The following NXPH1 variants were observed in gnomAD, a reference collection of about 807,000 sequenced individuals.
The protein encoded by NXPH1 is neurexophilin-1.
NXPH1 carries 5 observed loss-of-function variants against 23.7 expected under a neutral mutation model. The observed-to-expected ratio is 0.21, with a 90% CI of 0.11 to 0.44. The LOEUF is 0.44. NXPH1 is among the 20% of genes least tolerant of loss of function. NXPH1 has a pLI of 0.99. For synonymous variants in NXPH1, 144 were observed against 122.2 expected, an observed-to-expected ratio of 1.18 and a Z score of -1.18; for missense variants, 324 against 321.6, an observed-to-expected ratio of 1.01 and a Z score of -0.06.
At chr7:8,625,785 T>C (rs1294066249) in intron 2 of NXPH1, among the ~76,000 whole-genome samples, 3 of 152,124 alleles carry the variant, frequency 2.0e-5, no homozygotes, top group Admixed American at 6.6e-5. Flanking sequence ...GCATCATCTG[T>C]TATCCTAGAT....
rs574865402 is a variant in NXPH1 at position 8,702,850 on chromosome 7, A to T, written c.55-48158A>T. Among the ~76,000 whole-genome samples, 70 of 152,016 alleles carry T rather than the reference A, an allele frequency of 4.6e-4. 1 individual carries two copies. Among genetic ancestry groups the T allele is most frequent in the African/African-American group, 1.6e-3 (67 of 41,470 alleles). ...AAAACTTAGTTCCTGACTCCATGAAACTTTTCTGATTTTTTCTTCATATAA... is the reference window on the plus strand; with the variant it reads ...AAAACTTAGTTCCTGACTCCATGAATCTTTTCTGATTTTTTCTTCATATAA... On this transcript the variant is annotated intron_variant, in intron 2 of 2. Coordinates refer to ENST00000405863, the MANE Select transcript of NXPH1 (RefSeq NM_152745.3).
chr7:8,651,115 C>A (rs1820485190), intron 2 of NXPH1, among the ~76,000 whole-genome samples: 1 of 149,870 alleles, frequency 6.7e-6, no homozygotes, highest in Non-Finnish European at 1.5e-5. Context: ...AATGCTATCC[C>A]TCCCCACTCC....
At chr7:8,652,523 CA>C (rs1820506048) in intron 2 of NXPH1, among the ~76,000 whole-genome samples, 1 of 152,144 alleles carries the variant, frequency 6.6e-6, no homozygotes, top group Non-Finnish European at 1.5e-5. Flanking sequence ...AACTAATCCT[CA>C]ATTACTAGAA....
At chr7:8,515,780 C>T (rs1288042684) in intron 2 of NXPH1, among the ~76,000 whole-genome samples, 1 of 152,140 alleles carries the variant, frequency 6.6e-6, no homozygotes, top group Non-Finnish European at 1.5e-5. Context: ...TTAATCACGT[C>T]TGTAAACTCA....
intron 2 of NXPH1, among the ~76,000 whole-genome samples, chr7:8,512,571 GCCC>G (rs1346038603): frequency 6.6e-6 from 1 of 152,094 alleles, no homozygotes; most frequent in Non-Finnish European, 1.5e-5. Flanking sequence ...GAATCATAGT[GCCC>G]AGTCTAGTAA....
intron 2 of NXPH1, among the ~76,000 whole-genome samples, chr7:8,510,982 C>T (rs1454410296): frequency 2.6e-5 from 4 of 152,072 alleles, no homozygotes; most frequent in Non-Finnish European, 5.9e-5. Context: ...CTAGTCTGAT[C>T]TTCTCTGCTT....
chr7:8,750,399 T>C (rs1396409996), intron 2 of NXPH1, among the ~76,000 whole-genome samples: 1 of 152,162 alleles, frequency 6.6e-6, no homozygotes, highest in Non-Finnish European at 1.5e-5. Context: ...ACATGTGCCA[T>C]GGTGTTTTGC....
intron 2 of NXPH1, among the ~76,000 whole-genome samples, chr7:8,694,320 G>T (rs1201310795): frequency 6.6e-6 from 1 of 152,220 alleles, no homozygotes; most frequent in African/African-American, 2.4e-5. Context: ...TGTCAGGGAT[G>T]CTTGTAAAAG....
intron 2 of NXPH1, among the ~76,000 whole-genome samples, chr7:8,699,843 C>G (rs920504526): frequency 6.6e-6 from 1 of 152,086 alleles, no homozygotes; most frequent in African/African-American, 2.4e-5. Flanking sequence ...GCACCTTGCT[C>G]TTCATGGTGA....
chr7:8,742,365 C>T (rs572791973), intron 2 of NXPH1, among the ~76,000 whole-genome samples: 4 of 151,910 alleles, frequency 2.6e-5, no homozygotes, highest in East Asian at 1.9e-4. Flanking sequence ...AACTATGTAA[C>T]CTGGCTATAA....
At position 8,562,979 on chromosome 7, in the gene NXPH1, T is replaced by TA. The variant is rs1399356564; in HGVS notation, c.54+127213dup. On this transcript the variant is annotated intron_variant, in intron 2 of 2. Transcript: ENST00000405863. ...TAAATATGGCTCTAACATCATGTTT[T>TA]AGAAATGGCTCCAGTAGATAATTAA... Among the ~76,000 whole-genome samples, 3 of 151,900 alleles carry TA rather than the reference T, an allele frequency of 2.0e-5. No individual in the cohort carries two copies. In the East Asian group the frequency reaches 5.9e-4, roughly 30 times the overall value.
At position 8,710,640 on chromosome 7, in the gene NXPH1, G is replaced by GGTTTTTTT. The variant is rs1376868557; in HGVS notation, c.55-40368_55-40367insGTTTTTTT. ...TTGAACAAAGCATGTCAACTGTTACGTTTTTTGTTTTTTTTTTTTTTTTTT... is the reference window on the plus strand; with the variant it reads ...TTGAACAAAGCATGTCAACTGTTACGGTTTTTTTTTTTTTGTTTTTTTTTTTTTTTTTT... On this transcript the variant is annotated intron_variant, in intron 2 of 2. Transcript: ENST00000405863. Among the ~76,000 whole-genome samples, 18 of 27,680 alleles carry GGTTTTTTT rather than the reference G, an allele frequency of 6.5e-4. 8 individuals are homozygous for GGTTTTTTT. The highest frequency in any genetic ancestry group is 1.6e-3 in the African/African-American group (10 of 6,242). The allele number at this position is 27,680 out of a possible 152,430, so 18.2% of individuals were successfully genotyped here. A position where few individuals can be genotyped will look rare whatever the true frequency, so the allele number is the denominator to read the frequency against.
intron 2 of NXPH1, among the ~76,000 whole-genome samples, chr7:8,463,368 G>A (rs1371055373): frequency 6.7e-6 from 1 of 150,108 alleles, no homozygotes; most frequent in East Asian, 2.0e-4. Flanking sequence ...TCCTCAAATA[G>A]ACATTTATAT....
At chr7:8,533,733 C>G (rs1388920686) in intron 2 of NXPH1, among the ~76,000 whole-genome samples, 1 of 151,902 alleles carries the variant, frequency 6.6e-6, no homozygotes, top group African/African-American at 2.4e-5. Context: ...CAAATAGGAC[C>G]CAGTGGCATT....
At chr7:8,731,194 G>A (rs1301690574) in intron 2 of NXPH1, among the ~76,000 whole-genome samples, 1 of 151,968 alleles carries the variant, frequency 6.6e-6, no homozygotes, top group Non-Finnish European at 1.5e-5. Context: ...AGCTCCATCA[G>A]CTCCTTTAAG....
At chr7:8,479,863 C>G (rs745321174) in intron 2 of NXPH1, among the ~76,000 whole-genome samples, 1 of 151,998 alleles carries the variant, frequency 6.6e-6, no homozygotes, top group African/African-American at 2.4e-5. Flanking sequence ...GAGTAGATAA[C>G]GGTATTTTAA....
intron 2 of NXPH1, among the ~76,000 whole-genome samples, chr7:8,582,789 C>G (rs756158588): frequency 1.3e-5 from 2 of 152,206 alleles, no homozygotes; most frequent in Non-Finnish European, 2.9e-5. Context: ...GACAGTCCAG[C>G]CCCCATGCTT....
At chr7:8,509,635 A>C (rs1817582760) in intron 2 of NXPH1, among the ~76,000 whole-genome samples, 1 of 152,056 alleles carries the variant, frequency 6.6e-6, no homozygotes, top group African/African-American at 2.4e-5. Context: ...CAGTGGGCAG[A>C]AGCTTGTGTT....
chr7:8,585,743 G>T (rs1213274947), intron 2 of NXPH1, among the ~76,000 whole-genome samples: 1 of 152,316 alleles, frequency 6.6e-6, no homozygotes, highest in South Asian at 2.1e-4. Context: ...TTTGCAATTA[G>T]TTGGTGCTAC....
Sources: gnomAD v4.1 joint callset for allele counts (sites outside exome capture counted in the v4.1 genomes callset) on GRCh38, gnomAD v4.1.1 for gene constraint, MANE v1.5 for transcripts, NCBI Gene and HGNC (gene_info 2026-07-23, HGNC 2026-07-21) for gene names.